SYNE2: variants seen among roughly 807,000 people sequenced by gnomAD.
SYNE2 encodes spectrin repeat containing nuclear envelope protein 2.
SYNE2 carries 431 observed loss-of-function variants against 856.3 expected under a neutral mutation model. The observed-to-expected ratio is 0.50, with a 90% CI of 0.47 to 0.55. The LOEUF is 0.55. SYNE2 is among the 20% of genes least tolerant of loss of function. The probability of loss-of-function intolerance (pLI) is 0.00; values close to 1 mark genes in which losing one functional copy is unlikely to be tolerated. For synonymous variants in SYNE2, 2,923 were observed against 2,872.3 expected, an observed-to-expected ratio of 1.02 and a Z score of -0.56; for missense variants, 8,129 against 8,023.2, an observed-to-expected ratio of 1.01 and a Z score of -0.50.
intron 61 of SYNE2, among the ~76,000 whole-genome samples, chr14:64,097,267 C>T (rs1195206213): frequency 6.6e-6 from 1 of 151,998 alleles, no homozygotes; most frequent in African/African-American, 2.4e-5. Flanking sequence ...TATTTGTTTA[C>T]CTATTCCTAT....
intron 78 of SYNE2, among the ~76,000 whole-genome samples, chr14:64,135,031 T>C (rs1301960623): frequency 6.6e-6 from 1 of 152,084 alleles, no homozygotes; most frequent in Non-Finnish European, 1.5e-5. Context: ...CTTTTTTGTG[T>C]AACTTTTTGC....
intron 1 of SYNE2, among the ~76,000 whole-genome samples, chr14:63,894,358 A>G (rs956747478): frequency 5.3e-5 from 8 of 152,032 alleles, no homozygotes; most frequent in African/African-American, 1.9e-4. Context: ...CTAGGACTAT[A>G]GGCATGCTCC....
intron 2 of SYNE2, among the ~76,000 whole-genome samples, chr14:63,917,129 G>T (rs117293069): frequency 0.015 from 2,335 of 152,052 alleles, 22 homozygotes; most frequent in Non-Finnish European, 0.024. Context: ...AAGGCTTCTG[G>T]GTGGAATTTC....
intron 1 of SYNE2, among the ~76,000 whole-genome samples, chr14:63,812,365 C>A (rs1453135690): frequency 1.3e-5 from 2 of 152,158 alleles, no homozygotes; most frequent in Non-Finnish European, 2.9e-5. Context: ...TGGTTGTCTT[C>A]CCTTCTTCCC....
At chr14:64,060,364 T>C (rs921217813) in intron 49 of SYNE2, among the ~76,000 whole-genome samples, 3 of 151,584 alleles carry the variant, frequency 2.0e-5, no homozygotes, top group African/African-American at 7.3e-5. Context: ...CAGCAGGCAA[T>C]GAATCCTGCC....
chr14:63,856,010 A>G (rs1448286082), intron 1 of SYNE2, among the ~76,000 whole-genome samples: 1 of 152,204 alleles, frequency 6.6e-6, no homozygotes, highest in East Asian at 1.9e-4. Flanking sequence ...TTGTTGTGGC[A>G]TAAGAGGTTG....
chr14:64,056,082 A>T lies in SYNE2; in HGVS notation c.9883A>T (p.Met3295Leu), dbSNP rs772812503. 8.1e-6 allele frequency: 13 copies of T among 1,614,194 alleles called. No homozygotes were observed. The highest frequency in any genetic ancestry group is 1.1e-5 in the Non-Finnish European group (13 of 1,180,012). The part of the protein sequence containing the change: ...DVGNPEESLE[M>L]PLRKQEELES... Reference sequence around the variant, plus strand: ...TGGTAATCCAGAAGAATCTTTAGAGATGCCTCTTCGAAAACAAGAGGAATT... The same window carrying T: ...TGGTAATCCAGAAGAATCTTTAGAGTTGCCTCTTCGAAAACAAGAGGAATT... The change falls in exon 49 of 116, where the codon ATG (methionine) becomes TTG (leucine). Residue 3295 changes from methionine (M) to leucine (L), a missense_variant. Coordinates refer to ENST00000555002, the MANE Select transcript of SYNE2 (RefSeq NM_182914.3).
chr14:64,029,708 G>C lies in SYNE2; in HGVS notation c.6715-187G>C, dbSNP rs984690376. On this transcript the variant is annotated intron_variant, in intron 43 of 115. Transcript: ENST00000555002. ...TGTTTTCAATAAGAGTCATTTTTTT[G>C]CGGGGGAGATGGAGACTTTGCAGTG... Among the ~76,000 whole-genome samples, 9 of 152,170 alleles carry C rather than the reference G, an allele frequency of 5.9e-5. 1 individual carries two copies. Among genetic ancestry groups the C allele is most frequent in the African/African-American group, 1.9e-4 (8 of 41,530 alleles).
intron 45 of SYNE2, among the ~76,000 whole-genome samples, chr14:64,038,500 G>C (rs897366198): frequency 6.6e-6 from 1 of 152,188 alleles, no homozygotes; most frequent in African/African-American, 2.4e-5. Flanking sequence ...CGGCTGGGAG[G>C]TGGAGGTTGT....
rs1210806262 is a variant in SYNE2, at chr14:64,052,116, A to G, written c.8203A>G (p.Lys2735Glu). ...GATTAAGAAGTGTGACATAAGGAAC[A>G]AGATGAAAGAGACTATCTTATGGGC... is the stretch of plus-strand genomic sequence containing the variant. ...NQIKKCDIRN[K>E]MKETILWAKN... The change falls in exon 48 of 116, where the codon AAG (lysine) becomes GAG (glutamate). Residue 2735 changes from lysine (K) to glutamate (E), a missense_variant. Lys to Glu is a moderately conservative substitution (Grantham distance 56, BLOSUM62 1). Transcript: ENST00000555002. The G allele has an allele frequency of 6.2e-7, 1 of 1,614,234 alleles. No homozygotes were observed. Among genetic ancestry groups the G allele is most frequent in the East Asian group, 2.2e-5 (1 of 44,892 alleles).
chr14:64,104,915 C>A (rs2097761422), intron 64 of SYNE2, among the ~76,000 whole-genome samples: 2 of 152,082 alleles, frequency 1.3e-5, no homozygotes, highest in Admixed American at 1.3e-4. Flanking sequence ...GGAGTTTCTC[C>A]AACTCAAACC....
intron 84 of SYNE2, among the ~76,000 whole-genome samples, chr14:64,151,511 C>CA (rs201140500): frequency 0.012 from 205 of 16,414 alleles, 5 homozygotes; most frequent in South Asian, 0.096. Context: ...AAGCAATTTT[C>CA]AAAAAAAAAA....
chr14:63,799,990 A>G (rs192479770), intron 1 of SYNE2, among the ~76,000 whole-genome samples: 6 of 152,342 alleles, frequency 3.9e-5, no homozygotes, highest in Admixed American at 2.0e-4. Context: ...TTTGGCAAGA[A>G]GATCTAGACG....
At chr14:63,940,304 C>G (rs997871242) in intron 2 of SYNE2, among the ~76,000 whole-genome samples, 3 of 152,152 alleles carry the variant, frequency 2.0e-5, no homozygotes, top group Non-Finnish European at 2.9e-5. Context: ...GATCTGCTTA[C>G]CTCGGCCTCC....
intron 47 of SYNE2, among the ~76,000 whole-genome samples, chr14:64,051,015 T>G (rs1346266968): frequency 6.8e-6 from 1 of 147,882 alleles, no homozygotes; most frequent in Non-Finnish European, 1.5e-5. Flanking sequence ...AGTGAGACTC[T>G]GCCTCAAAAA....
intron 1 of SYNE2, among the ~76,000 whole-genome samples, chr14:63,791,672 G>A (rs1476132587): frequency 6.6e-6 from 1 of 152,132 alleles, no homozygotes; most frequent in East Asian, 1.9e-4. Flanking sequence ...GGCTGGACGT[G>A]GTGGCTCATA....
At position 64,024,894 on chromosome 14, in the gene SYNE2, T is replaced by C. The variant is rs746541067; in HGVS notation, c.5841-18T>C. On this transcript the variant is annotated intron_variant, in intron 39 of 115. Coordinates refer to ENST00000555002, the MANE Select transcript of SYNE2 (RefSeq NM_182914.3). The stretch of plus-strand genomic sequence containing the variant: ...TTTTTGCTTATTTTGTATTTAAACA[T>C]GTGTAATGCTCTTTTAGACTCCAGG... The C allele has an allele frequency of 6.2e-6, 10 of 1,613,458 alleles. No homozygotes were observed. The African/African-American group carries it at 9.3e-5, about 15-fold the overall frequency.
intron 1 of SYNE2, among the ~76,000 whole-genome samples, chr14:63,891,872 G>A (rs1171351131): frequency 6.6e-6 from 1 of 152,088 alleles, no homozygotes; most frequent in African/African-American, 2.4e-5. Flanking sequence ...ATAGTAGTGT[G>A]GGCCAAAAGG....
chr14:63,941,889 G>A lies in SYNE2; in HGVS notation c.242G>A (p.Arg81Gln), dbSNP rs756729566. The A allele has an allele frequency of 1.2e-5, 20 of 1,613,022 alleles. No individual in the cohort carries two copies. Among genetic ancestry groups the A allele is most frequent in the Middle Eastern group, 1.6e-4 (1 of 6,080 alleles). Residue 81 changes from arginine (R) to glutamine (Q), a missense_variant, in exon 5 of 116, where the codon CGG becomes CAG. Coordinates refer to ENST00000555002, the MANE Select transcript of SYNE2 (RefSeq NM_182914.3). ...LEVLSGQQLP[R>Q]DKGSNTFQCR... Reference sequence around the variant, plus strand: ...ATATTTGCTTGAATTTCACAGCCTCGGGATAAAGGATCTAATACCTTCCAG... The same window carrying A: ...ATATTTGCTTGAATTTCACAGCCTCAGGATAAAGGATCTAATACCTTCCAG...
Sources: gnomAD v4.1 joint callset for allele counts (sites outside exome capture counted in the v4.1 genomes callset) on GRCh38, gnomAD v4.1.1 for gene constraint, MANE v1.5 for transcripts, NCBI Gene and HGNC (gene_info 2026-07-23, HGNC 2026-07-21) for gene names.